FGF12: variants seen among roughly 807,000 people sequenced by gnomAD.
FGF12 encodes the protein fibroblast growth factor 12, also known as fibroblast growth factor 12B.
Under a neutral mutation model 23.6 loss-of-function variants are expected in FGF12, and 14 were observed. The ratio of observed to expected loss-of-function variants is 0.59; its 90% CI spans 0.39 to 0.93. The LOEUF (loss-of-function observed/expected upper bound fraction) is 0.93, where lower values mean the gene tolerates loss of function less well. Among genes scored for constraint, FGF12 ranks in the 40% least tolerant of loss-of-function variants. FGF12 has a pLI of 0.00. For synonymous variants in FGF12, 62 were observed against 77.3 expected (o/e 0.80, Z 1.04); for missense variants, 175 against 217.8 (o/e 0.80, Z 1.24).
intron 4 of FGF12, among the ~76,000 whole-genome samples, chr3:192,253,539 G>A (rs1304224919): frequency 6.6e-6 from 1 of 152,030 alleles, no homozygotes; most frequent in Non-Finnish European, 1.5e-5. Context: ...TAAAAATTAG[G>A]ATGTTCTCTT....
intron 4 of FGF12, among the ~76,000 whole-genome samples, chr3:192,253,682 C>T (rs898109690): frequency 6.6e-6 from 1 of 151,958 alleles, no homozygotes; most frequent in African/African-American, 2.4e-5. Flanking sequence ...GAGTCTTGCC[C>T]TCTCATATCA....
At chr3:192,712,325 CT>C (rs143430028) in intron 2 of FGF12, among the ~76,000 whole-genome samples, 8,718 of 151,070 alleles carry the variant, frequency 0.058, 446 homozygotes, top group East Asian at 0.19. Context: ...TTTTCAAAAA[CT>C]AAATTATTTT....
At chr3:192,421,604 A>T (rs148430809) in intron 2 of FGF12, among the ~76,000 whole-genome samples, 141 of 152,194 alleles carry the variant, frequency 9.3e-4, no homozygotes, top group African/African-American at 3.3e-3. Flanking sequence ...CTCACTTATG[A>T]GTGGGAGTTG....
intron 2 of FGF12, among the ~76,000 whole-genome samples, chr3:192,365,663 C>G (rs183786279): frequency 1.3e-5 from 2 of 152,156 alleles, no homozygotes; most frequent in East Asian, 1.9e-4. Context: ...GGCTGAGTGA[C>G]AAGGAAGGTA....
intron 2 of FGF12, among the ~76,000 whole-genome samples, chr3:192,548,641 T>C (rs1725556121): frequency 6.6e-6 from 1 of 152,180 alleles, no homozygotes; most frequent in Admixed American, 6.5e-5. Context: ...TTAGCCAGAT[T>C]CTGAACATTA....
chr3:192,267,582 A>C (rs370866745), intron 4 of FGF12, among the ~76,000 whole-genome samples: 5 of 152,150 alleles, frequency 3.3e-5, no homozygotes, highest in Non-Finnish European at 5.9e-5. Flanking sequence ...TCTGTCATCT[A>C]TCTACCTAAA....
At chr3:192,716,132 T>G (rs2108743218) in intron 2 of FGF12, among the ~76,000 whole-genome samples, 1 of 152,340 alleles carries the variant, frequency 6.6e-6, no homozygotes, top group African/African-American at 2.4e-5. Flanking sequence ...ATCAACACCT[T>G]CTGGGAACTT....
In FGF12 at chr3:192,179,042, T is replaced by C. The variant is rs1015847086; in HGVS notation, c.229-8386A>G. On this transcript the variant is annotated intron_variant, in intron 4 of 5. Coordinates refer to ENST00000445105, the MANE Select transcript of FGF12 (RefSeq NM_004113.6). Reference sequence around the variant, plus strand: ...GAGAACTTGAAAATCCTTGCTATAATAGCTGCTACTTTGCTAACTCTGTTG... The same window carrying C: ...GAGAACTTGAAAATCCTTGCTATAACAGCTGCTACTTTGCTAACTCTGTTG... Among the ~76,000 whole-genome samples the C allele has an allele frequency of 2.0e-5, 3 of 152,212 alleles. No homozygotes were observed. The East Asian group carries it at 5.8e-4, about 29-fold the overall frequency.
intron 2 of FGF12, among the ~76,000 whole-genome samples, chr3:192,618,361 C>T (rs56248459): frequency 0.23 from 34,766 of 151,880 alleles, 4,886 homozygotes; most frequent in South Asian, 0.32. Context: ...TATCCCATGA[C>T]CTCAGACTCA....
intron 2 of FGF12, among the ~76,000 whole-genome samples, chr3:192,411,393 C>T (rs918080993): frequency 6.6e-6 from 1 of 152,196 alleles, no homozygotes; most frequent in South Asian, 2.1e-4. Context: ...TCCCAGCTGT[C>T]ATTTGGGAAG....
chr3:192,487,698 A>G (rs1723676654), intron 2 of FGF12, among the ~76,000 whole-genome samples: 1 of 152,148 alleles, frequency 6.6e-6, no homozygotes. Flanking sequence ...AGAATGTACA[A>G]TCCTAATTGT....
intron 2 of FGF12, among the ~76,000 whole-genome samples, chr3:192,432,406 C>A (rs1013474550): frequency 6.6e-6 from 1 of 151,906 alleles, no homozygotes; most frequent in Non-Finnish European, 1.5e-5. Flanking sequence ...AAAATGCATA[C>A]CCTATATAAT....
chr3:192,684,929 A>C (rs1280165360), intron 2 of FGF12, among the ~76,000 whole-genome samples: 1 of 151,628 alleles, frequency 6.6e-6, no homozygotes, highest in East Asian at 1.9e-4. Context: ...TCAAATGTCA[A>C]CTCCCCTATT....
At chr3:192,380,320 T>C (rs79292439) in intron 2 of FGF12, among the ~76,000 whole-genome samples, 4,628 of 152,244 alleles carry the variant, frequency 0.03, 236 homozygotes, top group African/African-American at 0.11. Context: ...GTTCTAGACT[T>C]AATATTGGTT....
chr3:192,527,347 T>A (rs950163019), intron 2 of FGF12, among the ~76,000 whole-genome samples: 1 of 152,226 alleles, frequency 6.6e-6, no homozygotes, highest in Admixed American at 6.5e-5. Flanking sequence ...ATGACTAGTT[T>A]AGGATAAAGA....
chr3:192,310,890 G>A (rs1426057092), intron 4 of FGF12, among the ~76,000 whole-genome samples: 2 of 152,108 alleles, frequency 1.3e-5, no homozygotes, highest in Non-Finnish European at 2.9e-5. Flanking sequence ...ACGAAAACAT[G>A]GATTCCACTC....
chr3:192,591,456 C>T (rs1179122289), intron 2 of FGF12, among the ~76,000 whole-genome samples: 2 of 151,522 alleles, frequency 1.3e-5, no homozygotes, highest in Non-Finnish European at 2.9e-5. Flanking sequence ...AGGACTAAAC[C>T]AGAAAGTAGC....
chr3:192,321,034 G>C (rs1307152574), intron 4 of FGF12, among the ~76,000 whole-genome samples: 1 of 151,884 alleles, frequency 6.6e-6, no homozygotes, highest in Non-Finnish European at 1.5e-5. Context: ...TTTTTGAAAA[G>C]ATAAACAAAA....
intron 5 of FGF12, among the ~76,000 whole-genome samples, chr3:192,158,350 C>CTTTCTTTCTTTCTTTCTT (rs1714576086): frequency 1.0e-5 from 1 of 96,196 alleles, no homozygotes; most frequent in African/African-American, 4.1e-5. Flanking sequence ...TTCTTTCTTT[C>CTTTCTTTCTTTCTTTCTT]TTTCTTTCTT....
Sources: gnomAD v4.1 joint callset for allele counts (sites outside exome capture counted in the v4.1 genomes callset) on GRCh38, gnomAD v4.1.1 for gene constraint, MANE v1.5 for transcripts, NCBI Gene and HGNC (gene_info 2026-07-23, HGNC 2026-07-21) for gene names.